Variants in TRAPPC9 observed in about 807,000 individuals in gnomAD.
TRAPPC9 encodes the protein trafficking protein particle complex subunit 9, also known as IKK2 binding protein.
Under a neutral mutation model 124.0 loss-of-function variants are expected in TRAPPC9, and 83 were observed. The ratio of observed to expected loss-of-function variants is 0.67; its 90% CI spans 0.56 to 0.80. The LOEUF (loss-of-function observed/expected upper bound fraction) is 0.80, where lower values mean the gene tolerates loss of function less well. Ranked by LOEUF, TRAPPC9 falls within the 30% of genes least tolerant of loss-of-function variation. The pLI is 0.00. For missense variants in TRAPPC9, 1,302 were observed against 1,508.3 expected (o/e 0.86, Z 2.27); for synonymous variants, 638 against 617.5 (o/e 1.03, Z -0.49).
chr8:140,101,181 C>G lies in TRAPPC9; in HGVS notation c.2557-77102G>C, dbSNP rs192152793. ...TTGAGACGGAGTCTCGCTCTGTCAC[C>G]CAGGCTGGAGTGCAATGGTGCCATC... On this transcript the variant is annotated intron_variant, in intron 17 of 22. Transcript: ENST00000438773. Among the ~76,000 whole-genome samples the G allele has an allele frequency of 7.9e-5, 12 of 152,322 alleles. No homozygotes were observed. The East Asian group carries it at 2.3e-3, about 29-fold the overall frequency.
intron 18 of TRAPPC9, among the ~76,000 whole-genome samples, chr8:140,016,146 G>GT (rs1563691378): frequency 6.6e-6 from 1 of 152,060 alleles, no homozygotes; most frequent in African/African-American, 2.4e-5. Context: ...TCTCTCCAAC[G>GT]TATATATATT....
intron 18 of TRAPPC9, among the ~76,000 whole-genome samples, chr8:139,991,715 G>A (rs1191042422): frequency 6.6e-6 from 1 of 152,028 alleles, no homozygotes; most frequent in Non-Finnish European, 1.5e-5. Context: ...GAAGACACAA[G>A]GGAACAAAGT....
At chr8:139,862,917 G>A (rs534008774) in intron 21 of TRAPPC9, among the ~76,000 whole-genome samples, 13 of 152,330 alleles carry the variant, frequency 8.5e-5, no homozygotes, top group South Asian at 2.1e-4. Flanking sequence ...CTTTCGATCC[G>A]GTGGGTGGCC....
intron 14 of TRAPPC9, among the ~76,000 whole-genome samples, chr8:140,281,060 T>C (rs955350635): frequency 2.0e-5 from 3 of 152,232 alleles, no homozygotes; most frequent in African/African-American, 7.2e-5. Context: ...ATCTGGGCCC[T>C]TTCCAGTTTT....
At chr8:140,148,214 T>A (rs968322199) in intron 17 of TRAPPC9, among the ~76,000 whole-genome samples, 1 of 152,184 alleles carries the variant, frequency 6.6e-6, no homozygotes, top group Non-Finnish European at 1.5e-5. Flanking sequence ...CCTGAACATT[T>A]TGTATGTAAA....
At position 140,087,254 on chromosome 8, in the gene TRAPPC9, C is replaced by A. The variant is rs1297965902; in HGVS notation, c.2557-63175G>T. Among the ~76,000 whole-genome samples, 2 of 152,102 alleles carry A rather than the reference C, an allele frequency of 1.3e-5. No individual in the cohort carries two copies. The highest frequency in any genetic ancestry group is 2.4e-5 in the African/African-American group (1 of 41,404). On this transcript the variant is annotated intron_variant, in intron 17 of 22. Coordinates refer to ENST00000438773, the MANE Select transcript of TRAPPC9 (RefSeq NM_001160372.4). The surrounding 1 kb of genome is among the most constrained non-coding windows in gnomAD (Gnocchi z 4.6). Reference sequence around the variant, plus strand: ...CTTCCTCCTCTGTCTCCCGTGCCCTCCCCCCGGCCCCATCACCCTGCAGAT... The same window carrying A: ...CTTCCTCCTCTGTCTCCCGTGCCCTACCCCCGGCCCCATCACCCTGCAGAT...
intron 14 of TRAPPC9, among the ~76,000 whole-genome samples, chr8:140,283,451 C>A (rs186334349): frequency 6.6e-6 from 1 of 150,758 alleles, no homozygotes; most frequent in Non-Finnish European, 1.5e-5. Flanking sequence ...CCCGCCACCA[C>A]GCCTGGCTAA....
At chr8:139,890,113 C>G (rs1166878529) in intron 20 of TRAPPC9, among the ~76,000 whole-genome samples, 1 of 152,260 alleles carries the variant, frequency 6.6e-6, no homozygotes, top group Non-Finnish European at 1.5e-5. Flanking sequence ...CCCTGCAGCT[C>G]CTTTATCTTT....
chr8:139,756,805 G>A (rs576570814), intron 21 of TRAPPC9, among the ~76,000 whole-genome samples: 54 of 128,730 alleles, frequency 4.2e-4, no homozygotes, highest in Non-Finnish European at 6.4e-4. Context: ...ACAGCATGTC[G>A]CAGGAGGAGC....
At chr8:140,045,724 G>T (rs1444174618) in intron 17 of TRAPPC9, among the ~76,000 whole-genome samples, 1 of 150,582 alleles carries the variant, frequency 6.6e-6, no homozygotes, top group African/African-American at 2.5e-5. Context: ...GACGGTGGCT[G>T]CTCAGGTCTT....
chr8:139,812,560 C>T (rs997777821), intron 21 of TRAPPC9, among the ~76,000 whole-genome samples: 9 of 152,120 alleles, frequency 5.9e-5, no homozygotes, highest in Non-Finnish European at 5.9e-5. Context: ...TGCTGGTCTT[C>T]GTTATGTGCC....
chr8:139,946,459 T>A (rs1834219351), intron 19 of TRAPPC9, among the ~76,000 whole-genome samples: 1 of 152,204 alleles, frequency 6.6e-6, no homozygotes, highest in Non-Finnish European at 1.5e-5. Context: ...CCTTGTCCTC[T>A]GGAGTCGGGA....
chr8:140,173,517 G>A (rs2062006068), intron 17 of TRAPPC9, among the ~76,000 whole-genome samples: 1 of 142,564 alleles, frequency 7.0e-6, no homozygotes, highest in Non-Finnish European at 1.5e-5. Flanking sequence ...TCGCACCACT[G>A]CACTCCAGCC....
intron 17 of TRAPPC9, among the ~76,000 whole-genome samples, chr8:140,131,485 C>T (rs549663623): frequency 3.3e-5 from 5 of 152,204 alleles, no homozygotes; most frequent in African/African-American, 7.2e-5. Flanking sequence ...GAGATGAGCA[C>T]GAACCTCCAA....
At chr8:139,779,832 A>G (rs1195754064) in intron 21 of TRAPPC9, among the ~76,000 whole-genome samples, 1 of 152,196 alleles carries the variant, frequency 6.6e-6, no homozygotes, top group African/African-American at 2.4e-5. Context: ...AGGATGCAGG[A>G]CACAAGGTTA....
At chr8:139,985,717 G>A (rs559494887) in intron 19 of TRAPPC9, among the ~76,000 whole-genome samples, 1 of 152,186 alleles carries the variant, frequency 6.6e-6, no homozygotes, top group South Asian at 2.1e-4. Flanking sequence ...TGCAGGGCCT[G>A]GCTTGACATT....
chr8:139,830,908 G>T (rs1160150805), intron 21 of TRAPPC9, among the ~76,000 whole-genome samples: 1 of 152,234 alleles, frequency 6.6e-6, no homozygotes, highest in Non-Finnish European at 1.5e-5. Context: ...GAACTGTCAG[G>T]GTTATTGAAC....
chr8:139,794,802 C>T (rs1057187560), intron 21 of TRAPPC9, among the ~76,000 whole-genome samples: 2 of 152,208 alleles, frequency 1.3e-5, no homozygotes, highest in African/African-American at 4.8e-5. Flanking sequence ...ACCATACAAG[C>T]CAGCCTGTGG....
At chr8:140,001,092 T>C (rs1838365024) in intron 18 of TRAPPC9, among the ~76,000 whole-genome samples, 1 of 152,220 alleles carries the variant, frequency 6.6e-6, no homozygotes, top group Non-Finnish European at 1.5e-5. Flanking sequence ...GGGACATGGA[T>C]GAAGCTGGAA....
Sources: allele counts gnomAD v4.1 joint callset (sites outside exome capture counted in the v4.1 genomes callset), GRCh38; gene constraint gnomAD v4.1.1; non-coding constraint Gnocchi (gnomAD v3.1); transcripts MANE v1.5; gene names NCBI Gene and HGNC (gene_info 2026-07-23, HGNC 2026-07-21).